The following TMEM132C variants were observed in gnomAD, a reference collection of about 807,000 sequenced individuals.
TMEM132C encodes the protein protein phosphatase 1, regulatory subunit 152.
TMEM132C carries 29 observed loss-of-function variants against 61.4 expected under a neutral mutation model. The ratio of observed to expected loss-of-function variants is 0.47; its 90% CI spans 0.35 to 0.64. TMEM132C has a LOEUF of 0.64. TMEM132C is among the 30% of genes least tolerant of loss of function. TMEM132C has a pLI of 0.00. For synonymous variants in TMEM132C, 656 were observed against 633.1 expected (o/e 1.04, Z -0.54); for missense variants, 1,408 against 1,476.9 (o/e 0.95, Z 0.76).
chr12:128,327,708 G>A (rs925586826), intron 1 of TMEM132C, among the ~76,000 whole-genome samples: 2 of 152,094 alleles, frequency 1.3e-5, no homozygotes, highest in Non-Finnish European at 2.9e-5. Flanking sequence ...ACATTTTAGA[G>A]AGATAGAAGG....
chr12:128,574,272 C>T (rs1379783), intron 3 of TMEM132C, among the ~76,000 whole-genome samples: 148,307 of 152,338 alleles, frequency 0.97, 72,306 homozygotes, highest in East Asian at 1. Context: ...TTATTAGTTA[C>T]GGCTCATTCC....
chr12:128,300,244 CT>C (rs764687921), intron 1 of TMEM132C, among the ~76,000 whole-genome samples: 145 of 152,244 alleles, frequency 9.5e-4, no homozygotes, highest in Non-Finnish European at 1.6e-3. Flanking sequence ...TGATGAAAGA[CT>C]GGGAGAAGTC....
intron 1 of TMEM132C, among the ~76,000 whole-genome samples, chr12:128,362,582 A>AT (rs59237105): frequency 0.035 from 5,379 of 152,206 alleles, 329 homozygotes; most frequent in African/African-American, 0.12. Flanking sequence ...CAGATTGCAG[A>AT]TTTTTTTCAC....
At chr12:128,377,550 T>G (rs548733137) in intron 1 of TMEM132C, among the ~76,000 whole-genome samples, 1 of 152,180 alleles carries the variant, frequency 6.6e-6, no homozygotes, top group Admixed American at 6.5e-5. Context: ...TGGAATGAAA[T>G]GGAAGTGAAT....
intron 1 of TMEM132C, among the ~76,000 whole-genome samples, chr12:128,359,581 A>C (rs1234357387): frequency 6.6e-6 from 1 of 152,210 alleles, no homozygotes; most frequent in Non-Finnish European, 1.5e-5. Flanking sequence ...TCACATGAGA[A>C]AAAACAGCCA....
intron 2 of TMEM132C, among the ~76,000 whole-genome samples, chr12:128,538,248 G>A (rs1395148337): frequency 6.6e-6 from 1 of 152,122 alleles, no homozygotes; most frequent in Non-Finnish European, 1.5e-5. Context: ...AGTCTCCCAA[G>A]TAGCTGGGAT....
intron 2 of TMEM132C, among the ~76,000 whole-genome samples, chr12:128,419,050 C>T (rs999692136): frequency 6.6e-6 from 1 of 152,116 alleles, no homozygotes; most frequent in Non-Finnish European, 1.5e-5. Context: ...TGTTCTACAG[C>T]AGTGAATGAA....
At chr12:128,562,839 T>C (rs1874571687) in intron 3 of TMEM132C, among the ~76,000 whole-genome samples, 1 of 152,210 alleles carries the variant, frequency 6.6e-6, no homozygotes, top group African/African-American at 2.4e-5. Flanking sequence ...CTCTTGTTTG[T>C]GTGTTTGAGT....
chr12:128,619,278 G>A (rs932023518), intron 4 of TMEM132C, among the ~76,000 whole-genome samples: 4 of 152,216 alleles, frequency 2.6e-5, no homozygotes, highest in Non-Finnish European at 5.9e-5. Context: ...CCTCACTGGG[G>A]AAGTTCTTGC....
intron 2 of TMEM132C, among the ~76,000 whole-genome samples, chr12:128,454,476 C>A (rs187837836): frequency 5.3e-5 from 8 of 152,330 alleles, no homozygotes; most frequent in African/African-American, 1.9e-4. Flanking sequence ...TTGTTGTTTA[C>A]AAATTACTCA....
chr12:128,364,241 C>T (rs1873792943), intron 1 of TMEM132C, among the ~76,000 whole-genome samples: 1 of 150,004 alleles, frequency 6.7e-6, no homozygotes, highest in African/African-American at 2.5e-5. Context: ...TCCTCCTTCT[C>T]CTCCTCCTTC....
In TMEM132C at chr12:128,469,675, TG is replaced by T. The variant is rs1178343420; in HGVS notation, c.974+54056del. On this transcript the variant is annotated intron_variant, in intron 2 of 8. Transcript: ENST00000435159. ...GTGTGTGTGTGTGTATATATATATA[TG>T]TGCATTTATGTGTGTGTATGTATAT... 5.0e-4 allele frequency among the ~76,000 whole-genome samples: 68 copies of T among 136,138 alleles called. 1 individual carries two copies. Among genetic ancestry groups the T allele is most frequent in the African/African-American group, 2.3e-3 (63 of 27,018 alleles). 89.3% of individuals were successfully genotyped at this position (136,138 alleles called of 152,430 possible). A position where few individuals can be genotyped will look rare whatever the true frequency, so the allele number is the denominator to read the frequency against.
intron 1 of TMEM132C, among the ~76,000 whole-genome samples, chr12:128,300,960 G>A (rs1356282513): frequency 6.6e-6 from 1 of 152,190 alleles, no homozygotes; most frequent in East Asian, 1.9e-4. Context: ...AGGATATCTT[G>A]AGCTCAGGAG....
intron 1 of TMEM132C, among the ~76,000 whole-genome samples, chr12:128,365,996 A>T (rs1157799204): frequency 2.0e-5 from 3 of 152,218 alleles, no homozygotes; most frequent in Middle Eastern, 3.2e-3. Context: ...CTGTAAACTC[A>T]GCTGGATCCG....
At chr12:128,297,698 T>C (rs570578536) in intron 1 of TMEM132C, among the ~76,000 whole-genome samples, 1 of 152,302 alleles carries the variant, frequency 6.6e-6, no homozygotes, top group East Asian at 1.9e-4. Context: ...CTTTTCCTTT[T>C]TCCAGGATTT....
intron 2 of TMEM132C, among the ~76,000 whole-genome samples, chr12:128,539,338 T>A (rs1317761784): frequency 6.6e-6 from 1 of 152,202 alleles, no homozygotes; most frequent in Non-Finnish European, 1.5e-5. Context: ...ATGTGTGGGC[T>A]GGGCGTGGTG....
At chr12:128,271,406 A>G (rs1870517216) in intron 1 of TMEM132C, among the ~76,000 whole-genome samples, 1 of 152,062 alleles carries the variant, frequency 6.6e-6, no homozygotes, top group South Asian at 2.1e-4. Flanking sequence ...GTAACTGTAT[A>G]TACATTTTAT....
At chr12:128,412,826 T>G (rs1868607777) in intron 1 of TMEM132C, among the ~76,000 whole-genome samples, 1 of 152,248 alleles carries the variant, frequency 6.6e-6, no homozygotes. Flanking sequence ...CTCAGCCTTC[T>G]GCACCATGCT....
At chr12:128,494,807 A>G (rs930273593) in intron 2 of TMEM132C, among the ~76,000 whole-genome samples, 3 of 151,856 alleles carry the variant, frequency 2.0e-5, no homozygotes, top group African/African-American at 7.3e-5. Context: ...TCCTGGATTC[A>G]TGGATTTTTT....
Sources: allele counts gnomAD v4.1 joint callset (sites outside exome capture counted in the v4.1 genomes callset), GRCh38; gene constraint gnomAD v4.1.1; transcripts MANE v1.5; gene names NCBI Gene and HGNC (gene_info 2026-07-23, HGNC 2026-07-21).